MARCHF6: variants seen among roughly 807,000 people sequenced by gnomAD.
MARCHF6 encodes the protein E3 ubiquitin-protein ligase MARCHF6.
MARCHF6 carries 31 observed loss-of-function variants against 133.7 expected under a neutral mutation model. The ratio of observed to expected loss-of-function variants is 0.23; its 90% confidence interval spans 0.17 to 0.31. MARCHF6 has a LOEUF of 0.31. Among genes scored for constraint, MARCHF6 ranks in the 10% least tolerant of loss-of-function variants. The pLI is 1.00. For synonymous variants in MARCHF6, 395 were observed against 402.5 expected, an observed-to-expected ratio of 0.98 and a Z score of 0.22; for missense variants, 723 against 1,121.6, an observed-to-expected ratio of 0.64 and a Z score of 5.08.
At chr5:10,400,761 T>A (rs780486874) in intron 10 of MARCHF6, 23 bp from the exon 11 acceptor site, 1 of 1,584,518 alleles carries the variant, frequency 6.3e-7, no homozygotes, top group African/African-American at 1.3e-5. Flanking sequence ...GGAGTTTTCA[T>A]GGAATTTTTT....
Position 10,394,798 on chromosome 5 carries a change from A to AG in MARCHF6, c.861+13_861+14insG. Reference sequence around the variant, plus strand: ...ACTAGTTTTTCTGGTAAGTAAAACTAATTTTTTTTTTTTTTTTTTGAGACG... The same window carrying AG: ...ACTAGTTTTTCTGGTAAGTAAAACTAGATTTTTTTTTTTTTTTTTTGAGACG... On this transcript the variant is annotated intron_variant, in intron 9 of 25. Coordinates refer to ENST00000274140, the MANE Select transcript of MARCHF6 (RefSeq NM_005885.4). 1 of 1,494,170 alleles carries AG rather than the reference A, an allele frequency of 6.7e-7. No individual in the cohort carries two copies. The highest frequency in any genetic ancestry group is 9.1e-7 in the Non-Finnish European group (1 of 1,097,710). The allele number at this position is 1,494,170 out of a possible 1,614,324, so 92.6% of individuals were successfully genotyped here.
chr5:10,403,792 A>G (rs1047097614), intron 15 of MARCHF6, among the ~76,000 whole-genome samples: 12 of 152,236 alleles, frequency 7.9e-5, no homozygotes, highest in Admixed American at 5.9e-4. Flanking sequence ...GAGGAAAAAG[A>G]TAAGAGTACT....
intron 3 of MARCHF6, among the ~76,000 whole-genome samples, chr5:10,379,337 A>G (rs530192164): frequency 2.6e-5 from 4 of 152,320 alleles, no homozygotes; most frequent in Admixed American, 1.3e-4. Context: ...CTATAATACC[A>G]TTATCCACCT....
chr5:10,354,098 C>T, intron 1 of MARCHF6, 181 bp downstream of exon 1: 1 of 461,440 alleles, frequency 2.2e-6, no homozygotes, highest in Non-Finnish European at 3.4e-6. Flanking sequence ...CGCCCCCCGC[C>T]GTTTCCCGCC....
At chr5:10,374,487 A>T (rs1348362418) in intron 1 of MARCHF6, among the ~76,000 whole-genome samples, 1 of 152,104 alleles carries the variant, frequency 6.6e-6, no homozygotes, top group Non-Finnish European at 1.5e-5. Flanking sequence ...GGCTGCCTGG[A>T]TACTGCTGGT....
chr5:10,410,084 T>G, intron 17 of MARCHF6, 55 bp from the exon 18 acceptor site: 1 of 1,573,194 alleles, frequency 6.4e-7, no homozygotes. Flanking sequence ...GTAATCCCAT[T>G]AAATAGTAGT....
intron 1 of MARCHF6, among the ~76,000 whole-genome samples, chr5:10,355,984 A>G (rs542139218): frequency 7.2e-5 from 11 of 152,328 alleles, no homozygotes; most frequent in African/African-American, 2.6e-4. Context: ...TAGTCATGAA[A>G]TGCAAGTGAA....
At chr5:10,392,160 G>A (rs1209484670) in intron 7 of MARCHF6, among the ~76,000 whole-genome samples, 4 of 152,048 alleles carry the variant, frequency 2.6e-5, no homozygotes, top group South Asian at 2.1e-4. Flanking sequence ...GGGTTTCACC[G>A]TGTTACCAGT....
At chr5:10,367,212 T>C (rs1340673249) in intron 1 of MARCHF6, among the ~76,000 whole-genome samples, 2 of 152,062 alleles carry the variant, frequency 1.3e-5, no homozygotes, top group African/African-American at 4.8e-5. Flanking sequence ...GACAACTAAA[T>C]ATATGTAGAT....
intron 22 of MARCHF6, among the ~76,000 whole-genome samples, chr5:10,419,683 T>C (rs1391780712): frequency 6.6e-6 from 1 of 152,014 alleles, no homozygotes; most frequent in Non-Finnish European, 1.5e-5. Flanking sequence ...AGAAAAATAC[T>C]ATTTTGCAAT....
rs571101676 is a variant in MARCHF6 at position 10,398,101 on chromosome 5, A to G, written c.913+757A>G. 6.6e-5 allele frequency among the ~76,000 whole-genome samples: 10 copies of G among 151,950 alleles called. 1 individual carries two copies. In the East Asian group the frequency reaches 1.9e-3, roughly 29 times the overall value. On this transcript the variant is annotated intron_variant, in intron 10 of 25. Transcript: ENST00000274140. ...TTAGGTGTCCTATGATTTGTGTCTC[A>G]GAGACTTCAGGCAACATATCCCTAT...
rs1159883996 is a variant in MARCHF6, at chr5:10,437,318, A to G, written c.*3634A>G. 6.6e-6 allele frequency: 1 copy of G among 152,244 alleles called. No individual in the cohort carries two copies. 9.4% of individuals were successfully genotyped at this position (152,244 alleles called of 1,614,324 possible). ...TTAGGATGTTATTCAGCCATCAAAAAAAAACCCAACTAAAATGTCTTACCA... is the reference window on the plus strand; with the variant it reads ...TTAGGATGTTATTCAGCCATCAAAAGAAAACCCAACTAAAATGTCTTACCA... On this transcript the variant is annotated 3_prime_UTR_variant, in exon 26 of 26. Transcript: ENST00000274140.
intron 23 of MARCHF6, 119 bp from the exon 24 acceptor site, chr5:10,426,268 TAGA>T: frequency 8.8e-7 from 1 of 1,132,968 alleles, no homozygotes; most frequent in Non-Finnish European, 1.3e-6. Context: ...GCCTTGACTT[TAGA>T]AGAAGTAACC....
chr5:10,362,055 G>C (rs1489248742), intron 1 of MARCHF6, among the ~76,000 whole-genome samples: 1 of 151,912 alleles, frequency 6.6e-6, no homozygotes, highest in Non-Finnish European at 1.5e-5. Flanking sequence ...GAGCCACTGT[G>C]CCTGGCTGTA....
chr5:10,366,786 C>T (rs912873423), intron 1 of MARCHF6, among the ~76,000 whole-genome samples: 1 of 152,062 alleles, frequency 6.6e-6, no homozygotes, highest in African/African-American at 2.4e-5. Context: ...TCAGATGTAC[C>T]TAATCACAAG....
chr5:10,410,297 C>T, intron 18 of MARCHF6, 21 bp downstream of exon 18: 2 of 1,608,990 alleles, frequency 1.2e-6, no homozygotes, highest in South Asian at 2.2e-5. Flanking sequence ...GCAGCTGACT[C>T]CTTGGACATG....
At chr5:10,426,315 G>T in intron 23 of MARCHF6, 75 bp from the exon 24 acceptor site, 1 of 1,524,970 alleles carries the variant, frequency 6.6e-7, no homozygotes, top group Non-Finnish European at 9.0e-7. Context: ...AGATTCAGTT[G>T]TGTGGAGATT....
At chr5:10,403,902 G>T (rs1234835783) in intron 15 of MARCHF6, among the ~76,000 whole-genome samples, 1 of 152,084 alleles carries the variant, frequency 6.6e-6, no homozygotes, top group African/African-American at 2.4e-5. Context: ...GAACTGTACT[G>T]CTGGAAATAA....
chr5:10,374,129 T>C (rs753577929), intron 1 of MARCHF6, among the ~76,000 whole-genome samples: 7 of 152,090 alleles, frequency 4.6e-5, no homozygotes, highest in Non-Finnish European at 1.0e-4. Flanking sequence ...ATCTAAAGAA[T>C]GCAGCAGGCG....
Sources: allele counts gnomAD v4.1 joint callset (sites outside exome capture counted in the v4.1 genomes callset), GRCh38; gene constraint gnomAD v4.1.1; transcripts MANE v1.5; gene names NCBI Gene and HGNC (gene_info 2026-07-23, HGNC 2026-07-21).